The following GRIA4 variants were observed in gnomAD, a reference collection of about 807,000 sequenced individuals.
GRIA4 encodes glutamate ionotropic receptor AMPA type subunit 4.
Under a neutral mutation model 104.0 loss-of-function variants are expected in GRIA4, and 34 were observed. The observed-to-expected ratio is 0.33, with a 90% CI of 0.25 to 0.44. GRIA4 has a LOEUF of 0.44. Among genes scored for constraint, GRIA4 ranks in the 20% least tolerant of loss-of-function variants. GRIA4 has a pLI of 1.00. For missense variants in GRIA4, 750 were observed against 1,096.5 expected (o/e 0.68, Z 4.46); for synonymous variants, 386 against 381.9 (o/e 1.01, Z -0.13).
chr11:105,612,018 G>A (rs996965711), intron 2 of GRIA4, among the ~76,000 whole-genome samples: 15 of 152,166 alleles, frequency 9.9e-5, no homozygotes, highest in African/African-American at 3.6e-4. Flanking sequence ...GAGGGCAAGG[G>A]AGAGAAAGGA....
At chr11:105,807,765 A>G (rs900657292) in intron 4 of GRIA4, among the ~76,000 whole-genome samples, 1 of 151,494 alleles carries the variant, frequency 6.6e-6, no homozygotes, top group Non-Finnish European at 1.5e-5. Context: ...ATCTCTGTCC[A>G]TTATTATTCA....
At chr11:105,669,356 A>T (rs1031688472) in intron 3 of GRIA4, among the ~76,000 whole-genome samples, 4 of 151,156 alleles carry the variant, frequency 2.6e-5, no homozygotes, top group African/African-American at 9.7e-5. Context: ...ATACTATGTC[A>T]TATACACACA....
intron 3 of GRIA4, among the ~76,000 whole-genome samples, chr11:105,741,218 T>C (rs1939283356): frequency 6.6e-6 from 1 of 152,112 alleles, no homozygotes; most frequent in South Asian, 2.1e-4. Context: ...TGTTTTCTGT[T>C]GGAATGGCAG....
intron 5 of GRIA4, among the ~76,000 whole-genome samples, chr11:105,880,004 T>G (rs1027616991): frequency 4.6e-5 from 7 of 152,180 alleles, no homozygotes; most frequent in Admixed American, 2.6e-4. Context: ...TTAATGTAAT[T>G]GTTTATGAAA....
chr11:105,691,759 A>T (rs1953091488), intron 3 of GRIA4, among the ~76,000 whole-genome samples: 1 of 151,968 alleles, frequency 6.6e-6, no homozygotes, highest in African/African-American at 2.4e-5. Flanking sequence ...ACATGGTGAC[A>T]CCCTGTCTCT....
At chr11:105,977,918 G>A (rs1302661829) in intron 16 of GRIA4, among the ~76,000 whole-genome samples, 1 of 151,988 alleles carries the variant, frequency 6.6e-6, no homozygotes, top group Non-Finnish European at 1.5e-5. Context: ...TTGATTAAGG[G>A]ATTCTTTCAA....
chr11:105,810,792 ACTC>A (rs1206142397), intron 4 of GRIA4, among the ~76,000 whole-genome samples: 2 of 151,832 alleles, frequency 1.3e-5, no homozygotes, highest in Admixed American at 1.3e-4. Context: ...GTTTCACCTG[ACTC>A]CTCAAGTTAG....
At chr11:105,954,567 T>C (rs1464108205) in intron 14 of GRIA4, among the ~76,000 whole-genome samples, 1 of 152,200 alleles carries the variant, frequency 6.6e-6, no homozygotes, top group African/African-American at 2.4e-5. Flanking sequence ...TATACTTATA[T>C]ATAAATGTAT....
chr11:105,869,456 A>C (rs1945539059), intron 5 of GRIA4, among the ~76,000 whole-genome samples: 1 of 152,166 alleles, frequency 6.6e-6, no homozygotes, highest in South Asian at 2.1e-4. Context: ...AAGCAGCTGC[A>C]TACAAGTATC....
rs7945526 is a variant in GRIA4, at chr11:105,775,906, C to T, written c.487+22686C>T. 9.9e-3 allele frequency among the ~76,000 whole-genome samples: 1,499 copies of T among 151,858 alleles called. 31 individuals are homozygous for T. Among genetic ancestry groups the T allele is most frequent in the African/African-American group, 0.035 (1,440 of 41,434 alleles). Reference sequence around the variant, plus strand: ...ATTTTGTAATACAGACTAAAACCTACATTAAGAACTTCCATTTGTTAGAAT... The same window carrying T: ...ATTTTGTAATACAGACTAAAACCTATATTAAGAACTTCCATTTGTTAGAAT... On this transcript the variant is annotated intron_variant, in intron 4 of 16. Coordinates refer to ENST00000282499, the MANE Select transcript of GRIA4 (RefSeq NM_000829.4).
chr11:105,767,330 A>G (rs1940995122), intron 4 of GRIA4, among the ~76,000 whole-genome samples: 1 of 152,138 alleles, frequency 6.6e-6, no homozygotes, highest in South Asian at 2.1e-4. Context: ...TAAGTTGTCT[A>G]TACTTGAACA....
intron 4 of GRIA4, among the ~76,000 whole-genome samples, chr11:105,805,633 A>T (rs906432391): frequency 2.0e-4 from 30 of 151,936 alleles, no homozygotes; most frequent in Admixed American, 3.3e-4. Context: ...AAATTCAAGA[A>T]TGCAAAAAGG....
chr11:105,849,473 T>C (rs1591346542), intron 4 of GRIA4, among the ~76,000 whole-genome samples: 1 of 152,188 alleles, frequency 6.6e-6, no homozygotes, highest in African/African-American at 2.4e-5. Flanking sequence ...CTGGAATATA[T>C]ACAAGTTTGC....
intron 4 of GRIA4, among the ~76,000 whole-genome samples, chr11:105,770,478 A>T (rs1941158720): frequency 6.6e-6 from 1 of 151,970 alleles, no homozygotes; most frequent in South Asian, 2.1e-4. Context: ...CTTCCACTTC[A>T]CTCACCCAAA....
chr11:105,672,541 A>G (rs986556546), intron 3 of GRIA4, among the ~76,000 whole-genome samples: 2 of 152,198 alleles, frequency 1.3e-5, no homozygotes, highest in Non-Finnish European at 2.9e-5. Context: ...AAATCTGTCT[A>G]TGAAACTTTC....
chr11:105,735,989 G>C lies in GRIA4; in HGVS notation c.248-16992G>C, dbSNP rs184022059. ...TTGTCCCAGAAAACTGTCAGTTCTA[G>C]ACAATATGCTTCCCAGAAATAAAAT... On this transcript the variant is annotated intron_variant, in intron 3 of 16. Coordinates refer to ENST00000282499, the MANE Select transcript of GRIA4 (RefSeq NM_000829.4). Among the ~76,000 whole-genome samples the C allele has an allele frequency of 1.1e-4, 16 of 152,218 alleles. No individual in the cohort carries two copies. The East Asian group carries it at 2.9e-3, about 28-fold the overall frequency.
At chr11:105,944,887 T>C (rs531142634) in intron 14 of GRIA4, among the ~76,000 whole-genome samples, 3 of 152,264 alleles carry the variant, frequency 2.0e-5, no homozygotes, top group Admixed American at 6.5e-5. Context: ...CCATTTCCCA[T>C]TGTGAAAAAA....
intron 3 of GRIA4, among the ~76,000 whole-genome samples, chr11:105,615,522 A>C (rs1950578058): frequency 6.6e-6 from 1 of 151,880 alleles, no homozygotes; most frequent in Admixed American, 6.6e-5. Context: ...AAAAAAAGTG[A>C]GTGTAATAGC....
intron 4 of GRIA4, among the ~76,000 whole-genome samples, chr11:105,848,198 A>G (rs1944665036): frequency 6.6e-6 from 1 of 152,220 alleles, no homozygotes; most frequent in Admixed American, 6.5e-5. Flanking sequence ...ATGTAAAAGA[A>G]GTCAAGATCA....
Sources: gnomAD v4.1 joint callset for allele counts (sites outside exome capture counted in the v4.1 genomes callset) on GRCh38, gnomAD v4.1.1 for gene constraint, MANE v1.5 for transcripts, NCBI Gene and HGNC (gene_info 2026-07-23, HGNC 2026-07-21) for gene names.